The following ADAM20 variants were observed in gnomAD, a reference collection of about 807,000 sequenced individuals.
The protein encoded by ADAM20 is ADAM metallopeptidase domain 20.
For synonymous variants in ADAM20, 305 were observed against 310.2 expected (o/e 0.98, Z 0.18); for missense variants, 871 against 883.2 (o/e 0.99, Z 0.18).
At chr14:70,530,052 G>A (rs747666058) in intron 1 of ADAM20, among the ~76,000 whole-genome samples, 3 of 152,194 alleles carry the variant, frequency 2.0e-5, no homozygotes, top group Non-Finnish European at 4.4e-5. Context: ...GGAGGCCAAG[G>A]CGGGTGGATC....
At chr14:70,561,138 G>T in the ADAM20 span, among the ~76,000 whole-genome samples, 1 of 152,240 alleles carries the variant, frequency 6.6e-6, no homozygotes, top group Non-Finnish European at 1.5e-5. Flanking sequence ...GGTGGTCTCA[G>T]ATGGAGATGA....
At chr14:70,569,879 A>T in the ADAM20 span, among the ~76,000 whole-genome samples, 1 of 127,182 alleles carries the variant, frequency 7.9e-6, no homozygotes, top group Non-Finnish European at 1.6e-5. Context: ...TGAGGCAGAA[A>T]ACTAACAAAA....
intron 1 of ADAM20, among the ~76,000 whole-genome samples, chr14:70,529,102 C>A (rs894257518): frequency 2.6e-5 from 4 of 152,072 alleles, no homozygotes; most frequent in Non-Finnish European, 5.9e-5. Context: ...TATTTTGATA[C>A]CCTATTTTCA....
chr14:70,556,775 T>C, the ADAM20 span: 1 of 152,242 alleles, frequency 6.6e-6, no homozygotes, highest in Non-Finnish European at 1.5e-5. Flanking sequence ...ACTTTTCGTA[T>C]ACACAGGTTC....
Position 70,522,442 on chromosome 14 carries a change from A to AT in ADAM20, c.*134dup. ...TAGGAATCCTTTGCTGTGATAGCTA[A>AT]TGCTTGCAATCCTGACATGAAATGT... On this transcript the variant is annotated 3_prime_UTR_variant, in exon 2 of 2. Transcript: ENST00000256389. 3 of 890,294 alleles carry AT rather than the reference A, an allele frequency of 3.4e-6. No homozygotes were observed. The highest frequency in any genetic ancestry group is 5.0e-6 in the Non-Finnish European group (3 of 602,124). 55.1% of individuals were successfully genotyped at this position (890,294 alleles called of 1,614,324 possible). A position where few individuals can be genotyped will look rare whatever the true frequency, so the allele number is the denominator to read the frequency against.
upstream of ADAM20, among the ~76,000 whole-genome samples, chr14:70,537,087 T>C (rs192076932): frequency 2.6e-5 from 4 of 152,308 alleles, no homozygotes; most frequent in South Asian, 6.2e-4. Flanking sequence ...GGGATGGGTG[T>C]TGGGGATACA....
At chr14:70,527,306 C>A (rs563503434) in intron 1 of ADAM20, among the ~76,000 whole-genome samples, 2 of 152,212 alleles carry the variant, frequency 1.3e-5, no homozygotes, top group Non-Finnish European at 2.9e-5. Flanking sequence ...AGCTCATAGC[C>A]CCTCTATCTG....
the ADAM20 span, among the ~76,000 whole-genome samples, chr14:70,564,935 C>T: frequency 6.6e-6 from 1 of 150,768 alleles, no homozygotes; most frequent in Non-Finnish European, 1.5e-5. Flanking sequence ...GTAGTCCCAG[C>T]TACTCAGAAG....
the ADAM20 span, among the ~76,000 whole-genome samples, chr14:70,568,182 A>C: frequency 6.6e-6 from 1 of 152,210 alleles, no homozygotes; most frequent in African/African-American, 2.4e-5. Flanking sequence ...ATCCCACAGG[A>C]AATAGTGTGT....
At chr14:70,528,223 G>A (rs1421240227) in intron 1 of ADAM20, among the ~76,000 whole-genome samples, 1 of 152,182 alleles carries the variant, frequency 6.6e-6, no homozygotes, top group Non-Finnish European at 1.5e-5. Context: ...AGGTGAATGT[G>A]AAGTTCAATA....
chr14:70,570,190 G>C, the ADAM20 span, among the ~76,000 whole-genome samples: 1 of 152,018 alleles, frequency 6.6e-6, no homozygotes, highest in Non-Finnish European at 1.5e-5. Flanking sequence ...TACGTGAAAA[G>C]ATAGATCTCA....
At chr14:70,561,642 C>G in the ADAM20 span, among the ~76,000 whole-genome samples, 11 of 152,276 alleles carry the variant, frequency 7.2e-5, no homozygotes, top group Admixed American at 7.2e-4. Context: ...CAGGGCCCAA[C>G]TGCTCTGTGC....
chr14:70,526,979 T>C (rs965494819), intron 1 of ADAM20, among the ~76,000 whole-genome samples: 5 of 151,982 alleles, frequency 3.3e-5, no homozygotes, highest in Admixed American at 3.3e-4. Context: ...TATCAGAGGG[T>C]TTTACACAGA....
chr14:70,531,311 C>T (rs1883706481), intron 1 of ADAM20, among the ~76,000 whole-genome samples: 1 of 152,082 alleles, frequency 6.6e-6, no homozygotes, highest in African/African-American at 2.4e-5. Context: ...ATCCAACACA[C>T]TTTTTTGATA....
At chr14:70,537,453 T>G (rs1883860427), upstream of ADAM20, among the ~76,000 whole-genome samples, 1 of 152,212 alleles carries the variant, frequency 6.6e-6, no homozygotes. Context: ...TTCAGCCAGC[T>G]GGTAAGATCT....
At chr14:70,537,533 T>C (rs1595026317), upstream of ADAM20, among the ~76,000 whole-genome samples, 1 of 152,224 alleles carries the variant, frequency 6.6e-6, no homozygotes, top group African/African-American at 2.4e-5. Context: ...GGAGGACCAG[T>C]GGGACTAAGC....
chr14:70,576,784 C>T, the ADAM20 span, among the ~76,000 whole-genome samples: 5 of 152,184 alleles, frequency 3.3e-5, no homozygotes, highest in African/African-American at 7.2e-5. Flanking sequence ...TTAGCAGTGC[C>T]CTGTGTTAAG....
chr14:70,536,954 A>AAAT (rs1883851653), upstream of ADAM20, among the ~76,000 whole-genome samples: 2 of 152,046 alleles, frequency 1.3e-5, no homozygotes, highest in South Asian at 4.2e-4. Context: ...CAAAAAAAAA[A>AAAT]AAAAAAATTG....
chr14:70,530,501 C>A (rs147839343), intron 1 of ADAM20, among the ~76,000 whole-genome samples: 3 of 152,260 alleles, frequency 2.0e-5, no homozygotes, highest in Non-Finnish European at 1.5e-5. Context: ...ATGTACTACA[C>A]ATAATTGCAT....
Sources: gnomAD v4.1 joint callset for allele counts (sites outside exome capture counted in the v4.1 genomes callset) on GRCh38, gnomAD v4.1.1 for gene constraint, MANE v1.5 for transcripts, NCBI Gene and HGNC (gene_info 2026-07-23, HGNC 2026-07-21) for gene names.